Variants in BUB1B observed in about 807,000 individuals in gnomAD.
BUB1B encodes the protein BUB1 mitotic checkpoint serine/threonine kinase B, also known as mitotic checkpoint serine/threonine-protein kinase BUB1 beta.
BUB1B carries 86 observed loss-of-function variants against 137.7 expected under a neutral mutation model. The observed-to-expected ratio is 0.62, with a 90% CI of 0.52 to 0.75. The LOEUF (loss-of-function observed/expected upper bound fraction) is 0.75, where lower values mean the gene tolerates loss of function less well. Among genes scored for constraint, BUB1B ranks in the 30% least tolerant of loss-of-function variants. The pLI, the probability that BUB1B is intolerant of heterozygous loss-of-function variation, is 0.00. For synonymous variants in BUB1B, 420 were observed against 417.9 expected (o/e 1.00, Z -0.06); for missense variants, 1,130 against 1,236.9 (o/e 0.91, Z 1.30).
intron 8 of BUB1B, among the ~76,000 whole-genome samples, chr15:40,192,666 T>C (rs1033865926): frequency 3.3e-5 from 5 of 152,318 alleles, no homozygotes; most frequent in Admixed American, 2.6e-4. Context: ...GCCTTTTCAA[T>C]CTGGCTCCTT....
intron 11 of BUB1B, 68 bp downstream of exon 11, chr15:40,200,427 A>T: frequency 9.0e-7 from 1 of 1,115,330 alleles, no homozygotes. Context: ...TTGACTCTCT[A>T]GTGCCTTGAA....
intron 9 of BUB1B, 84 bp from the exon 10 acceptor site, chr15:40,199,531 T>C: frequency 1.0e-6 from 1 of 961,824 alleles, no homozygotes; most frequent in African/African-American, 1.6e-5. Context: ...AACATATATG[T>C]TGAGGAGATG....
intron 8 of BUB1B, among the ~76,000 whole-genome samples, chr15:40,191,108 G>A (rs928327654): frequency 2.6e-5 from 4 of 151,990 alleles, no homozygotes; most frequent in Non-Finnish European, 5.9e-5. Flanking sequence ...GGCTGGTCTC[G>A]AACTCTTGGG....
intron 20 of BUB1B, among the ~76,000 whole-genome samples, chr15:40,216,571 A>ATT (rs71426368): frequency 1.0e-3 from 83 of 83,026 alleles, no homozygotes; most frequent in African/African-American, 3.4e-3. Context: ...ATATATATAT[A>ATT]TTTTTTTTTT....
chr15:40,217,449 T>G, intron 20 of BUB1B, 47 bp from the exon 21 acceptor site: 2 of 1,595,388 alleles, frequency 1.3e-6, no homozygotes, highest in Non-Finnish European at 1.7e-6. Flanking sequence ...ATGCAGCTTC[T>G]TTCATGGCCT....
rs117341083 is a variant in BUB1B at position 40,220,907 on chromosome 15, G to A, written c.*148G>A. On this transcript the variant is annotated 3_prime_UTR_variant, in exon 23 of 23. Coordinates refer to ENST00000287598, the MANE Select transcript of BUB1B (RefSeq NM_001211.6). ...CTTTTTGGTACAGGTATATTTTGAC[G>A]TCACTGATATTTTTTATACAGTGAT... 22 of 847,330 alleles carry A rather than the reference G, an allele frequency of 2.6e-5. No homozygotes were observed. The highest frequency in any genetic ancestry group is 1.2e-4 in the South Asian group (8 of 68,516). The allele number at this position is 847,330 out of a possible 1,614,324, so 52.5% of individuals were successfully genotyped here.
intron 8 of BUB1B, among the ~76,000 whole-genome samples, chr15:40,189,707 G>A (rs530037627): frequency 3.9e-5 from 6 of 152,214 alleles, no homozygotes; most frequent in East Asian, 1.9e-4. Context: ...ATGTGTTTTC[G>A]TTTTTCTTGG....
intron 16 of BUB1B, 118 bp downstream of exon 16, chr15:40,208,888 G>GAGA: frequency 9.4e-7 from 1 of 1,066,100 alleles, no homozygotes; most frequent in Non-Finnish European, 1.4e-6. Context: ...AGGATGGAGT[G>GAGA]CAGTGGCACA....
chr15:40,192,316 C>G (rs2037447740), intron 8 of BUB1B, among the ~76,000 whole-genome samples: 1 of 152,024 alleles, frequency 6.6e-6, no homozygotes, highest in Non-Finnish European at 1.5e-5. Flanking sequence ...CAACCCTGTA[C>G]ACAGTTTTTC....
intron 7 of BUB1B, 73 bp downstream of exon 7, chr15:40,185,452 C>T: frequency 6.3e-7 from 1 of 1,587,910 alleles, no homozygotes; most frequent in South Asian, 1.1e-5. Context: ...AGTATTTTTA[C>T]CATCTCTTTT....
At chr15:40,215,420 T>A (rs1409947727) in intron 20 of BUB1B, among the ~76,000 whole-genome samples, 2 of 151,666 alleles carry the variant, frequency 1.3e-5, no homozygotes, top group Non-Finnish European at 2.9e-5. Context: ...TGTGGTGAAC[T>A]GAGATCGCAC....
At chr15:40,175,525 C>T (rs551485527) in intron 4 of BUB1B, among the ~76,000 whole-genome samples, 15 of 152,136 alleles carry the variant, frequency 9.9e-5, no homozygotes, top group Non-Finnish European at 1.8e-4. Flanking sequence ...TAATACATAT[C>T]CTTTCATCCT....
At chr15:40,206,112 T>A (rs1258537125) in intron 14 of BUB1B, 72 bp from the exon 15 acceptor site, 2 of 1,477,304 alleles carry the variant, frequency 1.4e-6, no homozygotes, top group Non-Finnish European at 9.4e-7. Flanking sequence ...TGAGCTAATA[T>A]GTCTCTCTCA....
intron 8 of BUB1B, among the ~76,000 whole-genome samples, chr15:40,189,534 A>G (rs768983871): frequency 5.3e-5 from 8 of 152,198 alleles, no homozygotes; most frequent in Admixed American, 1.3e-4. Context: ...TGTGACATGT[A>G]TCAGTACTTC....
intron 8 of BUB1B, among the ~76,000 whole-genome samples, chr15:40,188,037 G>A (rs780824148): frequency 2.6e-5 from 4 of 152,056 alleles, no homozygotes; most frequent in Non-Finnish European, 5.9e-5. Flanking sequence ...AATTAATATG[G>A]TACAGGAAAT....
chr15:40,196,486 A>G, intron 8 of BUB1B, 59 bp from the exon 9 acceptor site: 3 of 1,421,150 alleles, frequency 2.1e-6, no homozygotes, highest in Non-Finnish European at 3.0e-6. Context: ...TTCTTTTATC[A>G]ATCTTATTGA....
At chr15:40,182,933 A>G (rs1595518270) in intron 5 of BUB1B, among the ~76,000 whole-genome samples, 2 of 152,172 alleles carry the variant, frequency 1.3e-5, no homozygotes, top group African/African-American at 4.8e-5. Context: ...GCTTTTGTTG[A>G]CTTTTCAGAG....
At chr15:40,194,827 G>A (rs2037478598) in intron 8 of BUB1B, among the ~76,000 whole-genome samples, 1 of 152,066 alleles carries the variant, frequency 6.6e-6, no homozygotes. Flanking sequence ...GGATTGTATT[G>A]CATAGGTTAA....
At chr15:40,219,157 G>T (rs1173259365) in intron 22 of BUB1B, among the ~76,000 whole-genome samples, 1 of 152,030 alleles carries the variant, frequency 6.6e-6, no homozygotes, top group Non-Finnish European at 1.5e-5. Context: ...TGATCCGCCC[G>T]CCTCGGCCTC....
Sources: gnomAD v4.1 joint callset for allele counts (sites outside exome capture counted in the v4.1 genomes callset) on GRCh38, gnomAD v4.1.1 for gene constraint, MANE v1.5 for transcripts, NCBI Gene and HGNC (gene_info 2026-07-23, HGNC 2026-07-21) for gene names.